GNAL: variants seen among roughly 807,000 people sequenced by gnomAD.
GNAL encodes guanine nucleotide-binding protein G(olf) subunit alpha.
In GNAL, 18 loss-of-function variants were observed where a neutral mutation model predicts 55.1. The ratio of observed to expected loss-of-function variants is 0.33; its 90% CI spans 0.23 to 0.48. The LOEUF is 0.48. GNAL is among the 20% of genes least tolerant of loss of function. The probability of loss-of-function intolerance (pLI) is 0.99; values close to 1 mark genes in which losing one functional copy is unlikely to be tolerated. For missense variants in GNAL, 412 were observed against 614.1 expected, an observed-to-expected ratio of 0.67 and a Z score of 3.48; for synonymous variants, 253 against 237.0, an observed-to-expected ratio of 1.07 and a Z score of -0.62.
intron 4 of GNAL, among the ~76,000 whole-genome samples, chr18:11,768,475 C>A (rs1309771770): frequency 6.6e-6 from 1 of 151,996 alleles, no homozygotes; most frequent in Non-Finnish European, 1.5e-5. Flanking sequence ...GTGGCACATG[C>A]CTGTAATCCC....
chr18:11,830,402 T>G (rs957859250), intron 5 of GNAL, among the ~76,000 whole-genome samples: 11 of 149,262 alleles, frequency 7.4e-5, no homozygotes, highest in Non-Finnish European at 1.0e-4. Context: ...TTCTCCTGCC[T>G]CAGCCTCAGA....
chr18:11,872,329 G>T lies in GNAL; in HGVS notation c.1093G>T (p.Val365Phe). The part of the protein sequence containing the change: ...LNKQDMLAEK[V>F]LAGKSKIEDY... ...CAAACAAGATATGCTGGCAGAAAAAGTCTTGGCAGGGAAATCAAAAATTGA... is the reference window on the plus strand; with the variant it reads ...CAAACAAGATATGCTGGCAGAAAAATTCTTGGCAGGGAAATCAAAAATTGA... The change falls in exon 10 of 12, where the codon GTC becomes TTC. Residue 365 changes from valine to phenylalanine, a missense_variant. By Grantham distance (50) the Val-to-Phe change is conservative. This residue lies in a region of GNAL where 79 missense variants were observed against 127.1 expected (regional missense o/e 0.62). Transcript: ENST00000334049. 1 of 1,577,210 alleles carries T rather than the reference G, an allele frequency of 6.3e-7. No homozygotes were observed. The highest frequency in any genetic ancestry group is 8.6e-7 in the Non-Finnish European group (1 of 1,164,472).
chr18:11,826,350 G>A (rs1403132694), intron 5 of GNAL, among the ~76,000 whole-genome samples: 1 of 40,352 alleles, frequency 2.5e-5, no homozygotes, highest in African/African-American at 5.8e-5. Context: ...GAGGAGGAGC[G>A]GGGAGGGGGA....
intron 4 of GNAL, among the ~76,000 whole-genome samples, chr18:11,804,702 T>C (rs574825325): frequency 4.0e-5 from 5 of 125,734 alleles, no homozygotes; most frequent in African/African-American, 1.5e-4. Context: ...AGATACTGTG[T>C]AGTGGTGAAG....
At chr18:11,813,089 A>G (rs1158284488) in intron 4 of GNAL, among the ~76,000 whole-genome samples, 1 of 151,832 alleles carries the variant, frequency 6.6e-6, no homozygotes, top group Non-Finnish European at 1.5e-5. Flanking sequence ...CCCCATCTCT[A>G]TTAACGATAC....
At chr18:11,766,746 A>G (rs2033417956) in intron 4 of GNAL, among the ~76,000 whole-genome samples, 2 of 152,228 alleles carry the variant, frequency 1.3e-5, no homozygotes, top group Admixed American at 6.5e-5. Flanking sequence ...CGGAGTACTT[A>G]ATTGCAAAAA....
chr18:11,715,182 G>A (rs527825649), intron 1 of GNAL, among the ~76,000 whole-genome samples: 5 of 151,460 alleles, frequency 3.3e-5, no homozygotes, highest in South Asian at 4.2e-4. Context: ...TAACAAGGCC[G>A]GGCGCGGTGG....
In GNAL at chr18:11,689,744, C is replaced by T; in HGVS notation, c.181C>T (p.Pro61Ser). Residue 61 changes from proline to serine, a missense_variant, in exon 1 of 12, where the codon CCG becomes TCG. By Grantham distance (74) the Pro-to-Ser change is moderately conservative. This residue lies in a region of GNAL where 228 missense variants were observed against 194.8 expected (regional missense o/e 1.17). Transcript: ENST00000334049. ...TLLPRGGEGSPACARPKADKP... is the reference protein window; with the variant it reads ...TLLPRGGEGSSACARPKADKP... ...GCTCCCTCGGGGCGGCGAAGGGAGCCCGGCATGCGCTCGGCCCAAAGCAGA... is the reference window on the plus strand; with the variant it reads ...GCTCCCTCGGGGCGGCGAAGGGAGCTCGGCATGCGCTCGGCCCAAAGCAGA... 1.3e-6 allele frequency: 2 copies of T among 1,506,690 alleles called. No individual in the cohort carries two copies. Among genetic ancestry groups the T allele is most frequent in the East Asian group, 2.8e-5 (1 of 35,696 alleles). 93.3% of individuals were successfully genotyped at this position (1,506,690 alleles called of 1,614,324 possible). A position where few individuals can be genotyped will look rare whatever the true frequency, so the allele number is the denominator to read the frequency against.
intron 4 of GNAL, among the ~76,000 whole-genome samples, chr18:11,783,614 A>G (rs2033980838): frequency 6.6e-6 from 1 of 152,228 alleles, no homozygotes; most frequent in South Asian, 2.1e-4. Flanking sequence ...CCACCAATGC[A>G]ATCCACCTAT....
At chr18:11,755,933 C>A (rs1330533234) in intron 4 of GNAL, among the ~76,000 whole-genome samples, 8 of 152,178 alleles carry the variant, frequency 5.3e-5, no homozygotes, top group Non-Finnish European at 1.2e-4. Flanking sequence ...GTGGTGTTCC[C>A]TTTCAACTTC....
chr18:11,810,617 G>A (rs2034787566), intron 4 of GNAL: 1 of 152,260 alleles, frequency 6.6e-6, no homozygotes, highest in Non-Finnish European at 1.5e-5. Context: ...TCCAGTGGTG[G>A]GTCACTAGCA....
chr18:11,868,450 T>C lies in GNAL; in HGVS notation c.911-93T>C. 1 of 1,053,748 alleles carries C rather than the reference T, an allele frequency of 9.5e-7. No individual in the cohort carries two copies. Among genetic ancestry groups the C allele is most frequent in the South Asian group, 1.5e-5 (1 of 66,308 alleles). The allele number at this position is 1,053,748 out of a possible 1,614,324, so 65.3% of individuals were successfully genotyped here. On this transcript the variant is annotated intron_variant, in intron 8 of 11. Transcript: ENST00000334049. The surrounding 1 kb of genome is among the most constrained non-coding windows in gnomAD (Gnocchi z 4.0). ...TAGTCCTATCACTGAATGAATGTTT[T>C]TGTGGAACTGAGTAGCTGCTGGGTG...
At chr18:11,716,492 G>A (rs1372327396) in intron 1 of GNAL, among the ~76,000 whole-genome samples, 2 of 152,170 alleles carry the variant, frequency 1.3e-5, no homozygotes, top group Non-Finnish European at 2.9e-5. Context: ...ACGGGAGCAG[G>A]TTGCCACGGC....
chr18:11,742,286 C>T (rs1323511853), intron 1 of GNAL, among the ~76,000 whole-genome samples: 3 of 152,224 alleles, frequency 2.0e-5, no homozygotes, highest in African/African-American at 7.2e-5. Flanking sequence ...CAAGGATGTC[C>T]ACATGCTGCC....
At chr18:11,749,997 T>C (rs1598427237) in intron 1 of GNAL, among the ~76,000 whole-genome samples, 1 of 152,158 alleles carries the variant, frequency 6.6e-6, no homozygotes, top group Admixed American at 6.5e-5. Flanking sequence ...GTGGGAGCAT[T>C]GTGCAAGGTG....
In GNAL at chr18:11,699,873, G is replaced by A. The variant is rs143557083; in HGVS notation, c.376+9934G>A. Among the ~76,000 whole-genome samples the A allele has an allele frequency of 2.0e-3, 312 of 152,242 alleles. 1 individual carries two copies. The highest frequency in any genetic ancestry group is 6.6e-3 in the African/African-American group (273 of 41,542). On this transcript the variant is annotated intron_variant, in intron 1 of 11. Transcript: ENST00000334049. ...TGTGGACTCTGGGTGACAGTCATGC[G>A]TCAGGGTAGCTTCATGGATTGCCGT...
chr18:11,774,726 T>C (rs1458535673), intron 4 of GNAL, among the ~76,000 whole-genome samples: 2 of 152,196 alleles, frequency 1.3e-5, no homozygotes, highest in African/African-American at 2.4e-5. Flanking sequence ...CCCTGTGTAC[T>C]GTGAGGTGAC....
intron 1 of GNAL, among the ~76,000 whole-genome samples, chr18:11,690,641 G>A: frequency 8.1e-6 from 1 of 123,698 alleles, no homozygotes; most frequent in South Asian, 2.7e-4. Flanking sequence ...CCCAGAGTGT[G>A]ATGTTCCCCT....
At chr18:11,771,433 G>A (rs2033632729) in intron 4 of GNAL, among the ~76,000 whole-genome samples, 1 of 151,172 alleles carries the variant, frequency 6.6e-6, no homozygotes, top group African/African-American at 2.4e-5. Context: ...TTTTCTAAAT[G>A]ATGACCTGAT....
Sources: gnomAD v4.1 joint callset for allele counts (sites outside exome capture counted in the v4.1 genomes callset) on GRCh38, gnomAD v4.1.1 for gene constraint, gnomAD v4.1.1 regional missense constraint, Gnocchi (gnomAD v3.1) non-coding constraint, MANE v1.5 for transcripts, NCBI Gene and HGNC (gene_info 2026-07-23, HGNC 2026-07-21) for gene names.